SVIL: variants seen among roughly 807,000 people sequenced by gnomAD.
The protein encoded by SVIL is supervillin.
A neutral mutation model predicts 240.4 loss-of-function variants in SVIL; 101 were observed. The observed-to-expected ratio is 0.42, with a 90% CI of 0.36 to 0.50. The LOEUF (loss-of-function observed/expected upper bound fraction) is 0.50, where lower values mean the gene tolerates loss of function less well. Ranked by LOEUF, SVIL falls within the 20% of genes least tolerant of loss-of-function variation. SVIL has a pLI of 0.01. For synonymous variants in SVIL, 999 were observed against 1,100.0 expected (o/e 0.91, Z 1.82); for missense variants, 2,512 against 2,818.7 (o/e 0.89, Z 2.46).
intron 22 of SVIL, among the ~76,000 whole-genome samples, chr10:29,489,928 AT>A (rs567815951): frequency 6.6e-6 from 1 of 152,248 alleles, no homozygotes; most frequent in South Asian, 2.1e-4. Flanking sequence ...TAAGAAAAAC[AT>A]TAGGAAATAG....
chr10:29,526,203 A>G (rs112893977), intron 13 of SVIL, among the ~76,000 whole-genome samples: 507 of 151,618 alleles, frequency 3.3e-3, no homozygotes, highest in African/African-American at 0.012. Context: ...TTCAGTCTGT[A>G]TTTGTGTCTA....
At chr10:29,588,313 T>C (rs1344137846) in intron 1 of SVIL, among the ~76,000 whole-genome samples, 1 of 149,512 alleles carries the variant, frequency 6.7e-6, no homozygotes, top group Non-Finnish European at 1.5e-5. Flanking sequence ...CGCTGAAACG[T>C]GTGCTGGTGG....
At position 29,531,237 on chromosome 10, in the gene SVIL, G is replaced by A. The variant is rs780064805; in HGVS notation, c.2044+17C>T. The stretch of plus-strand genomic sequence containing the variant: ...ATGAGATAATAAAGAAGAAAAAAAA[G>A]GGAAACAGGTACTTGCCATCGACAG... On this transcript the variant is annotated intron_variant, in intron 10 of 37. Transcript: ENST00000355867. 8 of 1,612,802 alleles carry A rather than the reference G, an allele frequency of 5.0e-6. No individual in the cohort carries two copies. The South Asian group carries it at 5.5e-5, about 11-fold the overall frequency.
intron 3 of SVIL, among the ~76,000 whole-genome samples, chr10:29,641,522 C>T (rs2488691): frequency 0.46 from 69,789 of 151,730 alleles, 16,366 homozygotes; most frequent in African/African-American, 0.55. Flanking sequence ...GAGCCGAGAT[C>T]GCGCCACTGC....
intron 1 of SVIL, among the ~76,000 whole-genome samples, chr10:29,703,964 C>CTAATTTTT (rs1424151818): frequency 6.6e-6 from 1 of 152,068 alleles, no homozygotes; most frequent in African/African-American, 2.4e-5. Flanking sequence ...ACCACCCCAG[C>CTAATTTTT]TAATTTTTTA....
intron 17 of SVIL, among the ~76,000 whole-genome samples, chr10:29,511,119 C>T (rs1291895511): frequency 2.4e-4 from 32 of 131,442 alleles, no homozygotes; most frequent in African/African-American, 7.5e-4. Flanking sequence ...TTGCAAGTCC[C>T]GGGGCTTCAG....
intron 34 of SVIL, 55 bp downstream of exon 34, chr10:29,465,540 T>G: frequency 6.5e-7 from 1 of 1,540,992 alleles, no homozygotes; most frequent in Admixed American, 2.3e-5. Flanking sequence ...ATCAAAAGGC[T>G]TTCTGGAAGA....
intron 1 of SVIL, among the ~76,000 whole-genome samples, chr10:29,696,275 G>GT (rs1446718640): frequency 6.6e-6 from 1 of 152,012 alleles, no homozygotes; most frequent in African/African-American, 2.4e-5. Context: ...CCAGGCTGGA[G>GT]TGCAGTGGCA....
chr10:29,714,567 G>A (rs779670582), intron 1 of SVIL, among the ~76,000 whole-genome samples: 3 of 152,202 alleles, frequency 2.0e-5, no homozygotes, highest in Non-Finnish European at 4.4e-5. Flanking sequence ...TCAGTGATGA[G>A]TAAGTACAGA....
At chr10:29,477,756 T>C (rs905102876) in intron 29 of SVIL, among the ~76,000 whole-genome samples, 5 of 152,178 alleles carry the variant, frequency 3.3e-5, no homozygotes, top group African/African-American at 4.8e-5. Context: ...AAAGCTGGGC[T>C]TTTTCTAAGT....
chr10:29,512,402 A>G lies in SVIL; in HGVS notation c.3516+333T>C, dbSNP rs1949902474. ...CTTAAAGATATTAGTGGTGAATTCA[A>G]TTTTTTTCATTATAAAGGCTTTAAT... On this transcript the variant is annotated intron_variant, in intron 17 of 37. Transcript: ENST00000355867. Among the ~76,000 whole-genome samples, 3 of 152,288 alleles carry G rather than the reference A, an allele frequency of 2.0e-5. 1 individual carries two copies. In the South Asian group the frequency reaches 6.2e-4, roughly 32 times the overall value.
intron 6 of SVIL, among the ~76,000 whole-genome samples, chr10:29,538,467 T>C (rs117525404): frequency 0.05 from 7,635 of 152,310 alleles, 264 homozygotes; most frequent in Admixed American, 0.11. Context: ...ATTTATTGAC[T>C]TTAAGATGTT....
chr10:29,564,334 C>T (rs1954779037), intron 2 of SVIL, among the ~76,000 whole-genome samples: 1 of 152,128 alleles, frequency 6.6e-6, no homozygotes, highest in South Asian at 2.1e-4. Context: ...TCATACTAGC[C>T]ACAGTCACCC....
intron 3 of SVIL, 103 bp from the exon 4 acceptor site, chr10:29,555,211 G>A: frequency 8.7e-7 from 1 of 1,146,878 alleles, no homozygotes; most frequent in Non-Finnish European, 1.2e-6. Context: ...TTCAGTTCTT[G>A]ATTCCTATGT....
At chr10:29,514,876 T>G (rs1950106375) in intron 16 of SVIL, among the ~76,000 whole-genome samples, 1 of 152,212 alleles carries the variant, frequency 6.6e-6, no homozygotes, top group South Asian at 2.1e-4. Flanking sequence ...TGATAAAAGT[T>G]TTGTTATGCT....
chr10:29,524,232 T>C (rs1950745919), intron 14 of SVIL, among the ~76,000 whole-genome samples: 1 of 152,116 alleles, frequency 6.6e-6, no homozygotes, highest in South Asian at 2.1e-4. Context: ...GCATACTATT[T>C]TTTTCTCTCC....
At chr10:29,511,829 T>G (rs1949862855) in intron 17 of SVIL, among the ~76,000 whole-genome samples, 1 of 152,234 alleles carries the variant, frequency 6.6e-6, no homozygotes, top group South Asian at 2.1e-4. Flanking sequence ...CACTTCTATG[T>G]GCACATCTCA....
chr10:29,663,013 T>C (rs1028900379), intron 2 of SVIL, among the ~76,000 whole-genome samples: 4 of 152,170 alleles, frequency 2.6e-5, no homozygotes, highest in African/African-American at 9.7e-5. Context: ...CTTGGAAGGC[T>C]GAGGCTGGAG....
rs189495029 is a variant in SVIL at position 29,725,779 on chromosome 10, C to A, written c.-400+9972G>T. ...AAAGCCTCTTTAGAAACAGAGTTGG[C>A]AAAACATTGAATATGAAGAATACTC... On this transcript the variant is annotated intron_variant, in intron 1 of 35. Coordinates refer to the SVIL transcript ENST00000375400. Among the ~76,000 whole-genome samples, 590 of 152,138 alleles carry A rather than the reference C, an allele frequency of 3.9e-3. 8 individuals are homozygous for A. Among genetic ancestry groups the A allele is most frequent in the African/African-American group, 0.013 (551 of 41,526 alleles).
Sources: gnomAD v4.1 joint callset for allele counts (sites outside exome capture counted in the v4.1 genomes callset) on GRCh38, gnomAD v4.1.1 for gene constraint, MANE v1.5 for transcripts, NCBI Gene and HGNC (gene_info 2026-07-23, HGNC 2026-07-21) for gene names.